Variants in GRID2 observed in about 807,000 individuals in gnomAD.
GRID2 encodes the protein glutamate receptor ionotropic, delta-2.
In GRID2, 33 loss-of-function variants were observed where a neutral mutation model predicts 114.8. The ratio of observed to expected loss-of-function variants is 0.29; its 90% CI spans 0.22 to 0.38. The LOEUF (loss-of-function observed/expected upper bound fraction) is 0.38. GRID2 is among the 10% of genes least tolerant of loss of function. The probability of loss-of-function intolerance (pLI) is 1.00; values close to 1 mark genes in which losing one functional copy is unlikely to be tolerated. For missense variants in GRID2, 1,184 were observed against 1,257.7 expected (o/e 0.94, Z 0.89); for synonymous variants, 505 against 449.9 (o/e 1.12, Z -1.55).
intron 1 of GRID2, among the ~76,000 whole-genome samples, chr4:92,402,177 C>T (rs1039455870): frequency 2.0e-5 from 3 of 152,112 alleles, no homozygotes; most frequent in African/African-American, 7.2e-5. Context: ...TTCTAGTTCT[C>T]TTGCTATTTA....
intron 8 of GRID2, among the ~76,000 whole-genome samples, chr4:93,357,131 T>G (rs1358114186): frequency 6.6e-6 from 1 of 151,678 alleles, no homozygotes; most frequent in Non-Finnish European, 1.5e-5. Context: ...ATTTTCCCTC[T>G]TACAGGTTAT....
At chr4:92,613,799 G>T (rs1163386131) in intron 2 of GRID2, among the ~76,000 whole-genome samples, 1 of 151,188 alleles carries the variant, frequency 6.6e-6, no homozygotes, top group Admixed American at 6.6e-5. Flanking sequence ...ATCAACTTTT[G>T]ATTGTAGTGA....
At chr4:92,747,273 CAT>C (rs1231803667) in intron 2 of GRID2, among the ~76,000 whole-genome samples, 1 of 151,872 alleles carries the variant, frequency 6.6e-6, no homozygotes, top group Admixed American at 6.6e-5. Context: ...AAAAAATTCT[CAT>C]ATCTAATTTT....
chr4:92,924,835 C>T (rs550303718), intron 2 of GRID2, among the ~76,000 whole-genome samples: 3 of 152,154 alleles, frequency 2.0e-5, no homozygotes, highest in Non-Finnish European at 4.4e-5. Flanking sequence ...CCTGATTTAT[C>T]ACAGCTCAGC....
intron 8 of GRID2, among the ~76,000 whole-genome samples, chr4:93,342,347 G>C (rs895309763): frequency 1.3e-5 from 2 of 151,920 alleles, no homozygotes; most frequent in Non-Finnish European, 2.9e-5. Context: ...TGCCAAGACT[G>C]CTCTCTCTTC....
chr4:92,337,012 G>A (rs1727221121), intron 1 of GRID2, among the ~76,000 whole-genome samples: 1 of 122,178 alleles, frequency 8.2e-6, no homozygotes, highest in African/African-American at 3.0e-5. Context: ...ATTTACCTCA[G>A]TAGAAATTAA....
At chr4:92,531,786 G>GT (rs66531732) in intron 1 of GRID2, among the ~76,000 whole-genome samples, 33,323 of 151,706 alleles carry the variant, frequency 0.22, 3,942 homozygotes, top group South Asian at 0.3. Flanking sequence ...ATAATTCTCA[G>GT]TTTTTTTTCT....
chr4:92,635,618 A>G (rs1731030668), intron 2 of GRID2, among the ~76,000 whole-genome samples: 1 of 152,094 alleles, frequency 6.6e-6, no homozygotes, highest in African/African-American at 2.4e-5. Context: ...TTAGGAAAGA[A>G]AATACGTTGA....
chr4:92,486,915 A>G (rs950984262), intron 1 of GRID2, among the ~76,000 whole-genome samples: 1 of 151,950 alleles, frequency 6.6e-6, no homozygotes, highest in Non-Finnish European at 1.5e-5. Context: ...ACCCAAAGGA[A>G]CGTTTAATTA....
intron 1 of GRID2, among the ~76,000 whole-genome samples, chr4:92,565,369 G>T (rs1279413069): frequency 6.6e-6 from 1 of 151,838 alleles, no homozygotes; most frequent in Non-Finnish European, 1.5e-5. Context: ...TTAGTTTACT[G>T]AATTCATATG....
At chr4:92,726,310 A>G (rs1266899997) in intron 2 of GRID2, among the ~76,000 whole-genome samples, 1 of 152,140 alleles carries the variant, frequency 6.6e-6, no homozygotes, top group Admixed American at 6.5e-5. Flanking sequence ...CCTTACCACA[A>G]ACACATAAGT....
chr4:93,673,765 T>A (rs986561623), intron 14 of GRID2, among the ~76,000 whole-genome samples: 1 of 152,186 alleles, frequency 6.6e-6, no homozygotes, highest in Admixed American at 6.5e-5. Flanking sequence ...CCCCAGGGGT[T>A]GTAAACTCAA....
chr4:93,302,650 G>C, intron 8 of GRID2: 1 of 449,002 alleles, frequency 2.2e-6, no homozygotes, highest in East Asian at 7.0e-5. Flanking sequence ...GCAAAGGTAA[G>C]TATAAAAACC....
chr4:92,582,043 G>A (rs542859566), intron 1 of GRID2, among the ~76,000 whole-genome samples: 195 of 151,972 alleles, frequency 1.3e-3, no homozygotes, highest in African/African-American at 4.3e-3. Flanking sequence ...ATATTATAAG[G>A]CACTTTGAAC....
At chr4:93,354,073 A>C (rs1471848947) in intron 8 of GRID2, among the ~76,000 whole-genome samples, 2 of 151,924 alleles carry the variant, frequency 1.3e-5, no homozygotes, top group Non-Finnish European at 2.9e-5. Context: ...AGTAATTTAC[A>C]ATTATTAACT....
intron 2 of GRID2, among the ~76,000 whole-genome samples, chr4:93,075,336 G>A (rs1382851105): frequency 6.6e-6 from 1 of 152,038 alleles, no homozygotes; most frequent in Non-Finnish European, 1.5e-5. Context: ...AACTCATAAA[G>A]AGCATAGTCC....
chr4:92,448,132 TATGTATG>T (rs1483945806), intron 1 of GRID2, among the ~76,000 whole-genome samples: 14 of 36,356 alleles, frequency 3.9e-4, no homozygotes, highest in Non-Finnish European at 9.9e-4. Context: ...ATTTTTATTT[TATGTATG>T]TATGTATGTA....
At chr4:93,676,775 A>G (rs190449916) in intron 14 of GRID2, among the ~76,000 whole-genome samples, 97 of 151,746 alleles carry the variant, frequency 6.4e-4, no homozygotes, top group African/African-American at 1.8e-3. Context: ...AAAGAAAGAA[A>G]ATAAAAACAC....
At chr4:92,921,754 C>G (rs890722102) in intron 2 of GRID2, among the ~76,000 whole-genome samples, 1 of 152,148 alleles carries the variant, frequency 6.6e-6, no homozygotes, top group Non-Finnish European at 1.5e-5. Flanking sequence ...TCAGTCTGCC[C>G]CTACTGGGGA....
Sources: allele counts gnomAD v4.1 joint callset (sites outside exome capture counted in the v4.1 genomes callset), GRCh38; gene constraint gnomAD v4.1.1; transcripts MANE v1.5; gene names NCBI Gene and HGNC (gene_info 2026-07-23, HGNC 2026-07-21).